The following ZFHX3 variants were observed in gnomAD, a reference collection of about 807,000 sequenced individuals.
ZFHX3 encodes the protein zinc finger homeobox protein 3.
A neutral mutation model predicts 279.1 loss-of-function variants in ZFHX3; 42 were observed. The observed-to-expected ratio is 0.15, with a 90% CI of 0.12 to 0.19. The LOEUF (loss-of-function observed/expected upper bound fraction) is 0.19, where lower values mean the gene tolerates loss of function less well. Among genes scored for constraint, ZFHX3 ranks in the 10% least tolerant of loss-of-function variants. The probability of loss-of-function intolerance (pLI) is 1.00; values close to 1 mark genes in which losing one functional copy is unlikely to be tolerated. For synonymous variants in ZFHX3, 2,293 were observed against 1,957.8 expected (o/e 1.17, Z -4.52); for missense variants, 4,981 against 4,754.0 (o/e 1.05, Z -1.40).
rs2143273985 is a variant in ZFHX3, at chr16:72,787,493, C to G, written c.10783G>C (p.Asp3595His). The G allele has an allele frequency of 1.9e-6, 3 of 1,613,206 alleles. No individual in the cohort carries two copies. The highest frequency in any genetic ancestry group is 2.5e-6 in the Non-Finnish European group (3 of 1,179,598). Reference protein sequence around the residue: ...STSQSAAHSNDSPPPPSAAAP... With the variant: ...STSQSAAHSNHSPPPPSAAAP... The stretch of plus-strand genomic sequence containing the variant: ...GCGGCCGACGGGGGAGGGGGGCTGT[C>G]GTTTGAGTGAGCGGCAGACTGCGAG... The change falls in exon 10 of 10, where the codon GAC (aspartate) becomes CAC (histidine). Residue 3595 changes from aspartate to histidine, a missense_variant. Physicochemically the swap from Asp to His is moderately conservative, Grantham distance 81. Around this residue, in one of 7 missense-constraint regions of ZFHX3, gnomAD observed 1,034 missense variants for 786.0 expected, o/e 1.32. Transcript: ENST00000268489.
intron 4 of ZFHX3, among the ~76,000 whole-genome samples, chr16:73,276,452 G>A (rs898333939): frequency 6.6e-6 from 1 of 152,028 alleles, no homozygotes; most frequent in Non-Finnish European, 1.5e-5. Flanking sequence ...TCAAAGTGCT[G>A]GGATTTACAG....
intron 1 of ZFHX3, among the ~76,000 whole-genome samples, chr16:72,995,361 T>C (rs1237264956): frequency 6.6e-6 from 1 of 152,108 alleles, no homozygotes; most frequent in African/African-American, 2.4e-5. Flanking sequence ...AGGCACTCCA[T>C]TATGGCAACC....
chr16:73,454,565 C>G (rs1483298574), intron 3 of ZFHX3, among the ~76,000 whole-genome samples: 10 of 88,616 alleles, frequency 1.1e-4, no homozygotes, highest in African/African-American at 4.1e-4. Context: ...CTCTCACAGC[C>G]AAATTTCTCA....
intron 2 of ZFHX3, among the ~76,000 whole-genome samples, chr16:73,666,564 C>T (rs1277333058): frequency 6.6e-6 from 1 of 151,984 alleles, no homozygotes; most frequent in African/African-American, 2.4e-5. Context: ...GAGGACATCA[C>T]GTCAGATCTG....
chr16:73,424,200 G>T (rs1597330235), intron 3 of ZFHX3, among the ~76,000 whole-genome samples: 1 of 152,208 alleles, frequency 6.6e-6, no homozygotes, highest in African/African-American at 2.4e-5. Context: ...CAATAGAAAG[G>T]CTTCAGACCA....
intron 1 of ZFHX3, among the ~76,000 whole-genome samples, chr16:73,881,265 G>A (rs2030139780): frequency 6.6e-6 from 1 of 152,150 alleles, no homozygotes; most frequent in Admixed American, 6.5e-5. Flanking sequence ...GCAGTGCGGA[G>A]CAGACAAGCC....
chr16:72,914,261 C>T (rs1049614343), intron 3 of ZFHX3, among the ~76,000 whole-genome samples: 1 of 152,188 alleles, frequency 6.6e-6, no homozygotes, highest in Non-Finnish European at 1.5e-5. Context: ...GGGTTTTCAA[C>T]AGAAGACAGT....
chr16:73,424,966 A>T (rs951697749), intron 3 of ZFHX3, among the ~76,000 whole-genome samples: 12 of 152,054 alleles, frequency 7.9e-5, no homozygotes, highest in African/African-American at 2.9e-4. Flanking sequence ...GGACATGCCC[A>T]TGAGGGGGTC....
At chr16:73,264,572 A>ACTT (rs1405127464) in intron 4 of ZFHX3, among the ~76,000 whole-genome samples, 2 of 149,860 alleles carry the variant, frequency 1.3e-5, no homozygotes, top group African/African-American at 4.9e-5. Flanking sequence ...GGAACAACCG[A>ACTT]CTTTTTTTTT....
At chr16:73,807,597 C>T (rs1287657668) in intron 1 of ZFHX3, among the ~76,000 whole-genome samples, 1 of 147,806 alleles carries the variant, frequency 6.8e-6, no homozygotes, top group Admixed American at 6.8e-5. Flanking sequence ...GCTGGGCCTA[C>T]AGGCACATTC....
At position 73,629,275 on chromosome 16, in the gene ZFHX3, A is replaced by G. The variant is rs540039591; in HGVS notation, c.-1547+50905T>C. 5.9e-5 allele frequency among the ~76,000 whole-genome samples: 9 copies of G among 152,232 alleles called. No individual in the cohort carries two copies. The South Asian group carries it at 1.9e-3, about 32-fold the overall frequency. ...TATGTTGCCTGGAATTTCATATGGTATTCAGAAGGATCGAGATTGCCCAGC... is the reference window on the plus strand; with the variant it reads ...TATGTTGCCTGGAATTTCATATGGTGTTCAGAAGGATCGAGATTGCCCAGC... On this transcript the variant is annotated intron_variant, in intron 2 of 17. Coordinates refer to the ZFHX3 transcript ENST00000641206.
At chr16:73,579,651 G>A (rs1398528226) in intron 2 of ZFHX3, among the ~76,000 whole-genome samples, 3 of 150,568 alleles carry the variant, frequency 2.0e-5, no homozygotes, top group African/African-American at 7.3e-5. Flanking sequence ...ACAGGCACCC[G>A]CCACCATGCC....
At chr16:73,545,440 T>C (rs2020092700) in intron 2 of ZFHX3, among the ~76,000 whole-genome samples, 1 of 151,926 alleles carries the variant, frequency 6.6e-6, no homozygotes, top group Non-Finnish European at 1.5e-5. Flanking sequence ...CTCTCTCCTA[T>C]TTTTTCATTT....
chr16:73,346,747 C>T (rs1288259526), intron 3 of ZFHX3, among the ~76,000 whole-genome samples: 1 of 152,182 alleles, frequency 6.6e-6, no homozygotes, highest in African/African-American at 2.4e-5. Context: ...GCTGGGATTA[C>T]AGGCGTGAGC....
chr16:73,051,837 ATAT>A (rs146264469), upstream of ZFHX3, among the ~76,000 whole-genome samples: 4,122 of 152,308 alleles, frequency 0.027, 61 homozygotes, highest in South Asian at 0.063. Context: ...TTAAACAAAA[ATAT>A]TATTTCTGAA....
intron 7 of ZFHX3, among the ~76,000 whole-genome samples, chr16:72,803,192 C>T (rs150095359): frequency 2.3e-4 from 35 of 152,118 alleles, no homozygotes; most frequent in African/African-American, 7.7e-4. Context: ...ATTAGCCAGG[C>T]GTGGTGGCTC....
intron 2 of ZFHX3, among the ~76,000 whole-genome samples, chr16:73,542,026 T>G (rs1023884383): frequency 1.3e-5 from 2 of 152,000 alleles, no homozygotes; most frequent in Non-Finnish European, 2.9e-5. Context: ...GGTCTCGATC[T>G]CTTGACCTCG....
chr16:73,454,028 C>T (rs1303210653), intron 3 of ZFHX3, among the ~76,000 whole-genome samples: 7 of 152,166 alleles, frequency 4.6e-5, no homozygotes, highest in South Asian at 2.1e-4. Context: ...AGTTGCCCAT[C>T]TTATTGTCAC....
At chr16:73,266,448 A>G (rs763019938) in intron 4 of ZFHX3, among the ~76,000 whole-genome samples, 1 of 152,208 alleles carries the variant, frequency 6.6e-6, no homozygotes, top group Non-Finnish European at 1.5e-5. Context: ...CTAAATGAAG[A>G]GCTAGGAGGT....
Sources: gnomAD v4.1 joint callset for allele counts (sites outside exome capture counted in the v4.1 genomes callset) on GRCh38, gnomAD v4.1.1 for gene constraint, gnomAD v4.1.1 regional missense constraint, MANE v1.5 for transcripts, NCBI Gene and HGNC (gene_info 2026-07-23, HGNC 2026-07-21) for gene names.